The following SAMMSON variants were observed in gnomAD, a reference collection of about 807,000 sequenced individuals.
SAMMSON encodes the protein survival associated mitochondrial melanoma specific oncogenic non-coding RNA.
At chr3:70,164,872 G>A (rs931278083) in intron 4 of SAMMSON, among the ~76,000 whole-genome samples, 3 of 151,940 alleles carry the variant, frequency 2.0e-5, no homozygotes, top group South Asian at 4.1e-4. Flanking sequence ...AATTTCCTCC[G>A]GAAAAGACTT....
At chr3:70,033,166 C>G (rs1313580653) in intron 3 of SAMMSON, among the ~76,000 whole-genome samples, 2 of 152,138 alleles carry the variant, frequency 1.3e-5, no homozygotes, top group Non-Finnish European at 2.9e-5. Context: ...TTCAAAGGCC[C>G]TAACATTGTC....
chr3:70,379,063 G>A (rs1348487965), intron 9 of SAMMSON, among the ~76,000 whole-genome samples: 1 of 151,038 alleles, frequency 6.6e-6, no homozygotes, highest in Non-Finnish European at 1.5e-5. Flanking sequence ...GCCCAGGCTG[G>A]AGTGCAGTGG....
intron 9 of SAMMSON, among the ~76,000 whole-genome samples, chr3:70,369,478 AG>A (rs1702947693): frequency 6.6e-6 from 1 of 151,466 alleles, no homozygotes; most frequent in Admixed American, 6.6e-5. Flanking sequence ...TGCCAACCAA[AG>A]CAGTTTAATT....
intron 4 of SAMMSON, among the ~76,000 whole-genome samples, chr3:70,211,878 C>T (rs1701354058): frequency 6.9e-6 from 1 of 145,332 alleles, no homozygotes; most frequent in Non-Finnish European, 1.5e-5. Context: ...CTTCCCTTCC[C>T]TTCTTCCCTT....
intron 4 of SAMMSON, among the ~76,000 whole-genome samples, chr3:70,160,197 G>A (rs1170810321): frequency 1.0e-5 from 1 of 95,784 alleles, no homozygotes; most frequent in Non-Finnish European, 2.5e-5. Flanking sequence ...TGCTTTTCAT[G>A]TTATATCAAA....
chr3:70,236,438 T>C (rs1701609773), intron 4 of SAMMSON, among the ~76,000 whole-genome samples: 1 of 152,194 alleles, frequency 6.6e-6, no homozygotes, highest in South Asian at 2.1e-4. Context: ...ATTTGTTTAT[T>C]AGCCTTAAGA....
At chr3:70,180,004 A>ATGTGTGTG (rs10555321) in intron 4 of SAMMSON, among the ~76,000 whole-genome samples, 2 of 148,194 alleles carry the variant, frequency 1.3e-5, no homozygotes, top group East Asian at 4.1e-4. Context: ...TGTGCTTCGT[A>ATGTGTGTG]TGTGTGTGTG....
intron 4 of SAMMSON, among the ~76,000 whole-genome samples, chr3:70,117,987 G>T (rs912228825): frequency 2.6e-5 from 4 of 151,956 alleles, no homozygotes; most frequent in Admixed American, 6.6e-5. Flanking sequence ...GCGCCATCTC[G>T]GCTCACTGCA....
chr3:70,373,952 T>C (rs1702990741), intron 9 of SAMMSON, among the ~76,000 whole-genome samples: 1 of 152,226 alleles, frequency 6.6e-6, no homozygotes, highest in Admixed American at 6.5e-5. Context: ...TTTGCTCTTG[T>C]TGCCTAGGCA....
At chr3:70,147,045 A>G (rs944545267) in intron 4 of SAMMSON, among the ~76,000 whole-genome samples, 1 of 152,016 alleles carries the variant, frequency 6.6e-6, no homozygotes, top group African/African-American at 2.4e-5. Flanking sequence ...AGGAAACCAA[A>G]ATTTAAAAAA....
intron 5 of SAMMSON, among the ~76,000 whole-genome samples, chr3:70,249,440 C>A (rs1169357315): frequency 6.6e-6 from 1 of 152,116 alleles, no homozygotes; most frequent in Non-Finnish European, 1.5e-5. Context: ...ATTGCTGTGA[C>A]CTCTGCATCA....
At chr3:70,000,457 C>T (rs562418354) in intron 1 of SAMMSON, among the ~76,000 whole-genome samples, 1 of 152,054 alleles carries the variant, frequency 6.6e-6, no homozygotes, top group African/African-American at 2.4e-5. Flanking sequence ...CCTCTTTCAC[C>T]CACATTTTGT....
chr3:70,098,007 G>A (rs555194988), intron 4 of SAMMSON, among the ~76,000 whole-genome samples: 1 of 152,280 alleles, frequency 6.6e-6, no homozygotes, highest in African/African-American at 2.4e-5. Flanking sequence ...GGTTAAATTA[G>A]CTTTTTCTCC....
At chr3:70,408,872 G>A (rs2106767381) in intron 2 of SAMMSON, among the ~76,000 whole-genome samples, 1 of 152,248 alleles carries the variant, frequency 6.6e-6, no homozygotes, top group Non-Finnish European at 1.5e-5. Context: ...CTGAGACTAG[G>A]AAGAAAAGGT....
chr3:70,412,366 A>G (rs1485003962), intron 2 of SAMMSON, among the ~76,000 whole-genome samples: 2 of 152,204 alleles, frequency 1.3e-5, no homozygotes, highest in African/African-American at 2.4e-5. Flanking sequence ...ATATTTAATT[A>G]TTAAAATAGT....
intron 4 of SAMMSON, among the ~76,000 whole-genome samples, chr3:70,135,944 G>GTT (rs10662195): frequency 0.28 from 40,524 of 146,630 alleles, 5,883 homozygotes; most frequent in East Asian, 0.49. Flanking sequence ...TTCTCTAAGT[G>GTT]TTTTTTTTTT....
At chr3:70,163,633 G>A (rs769412426) in intron 4 of SAMMSON, among the ~76,000 whole-genome samples, 1 of 151,894 alleles carries the variant, frequency 6.6e-6, no homozygotes, top group Non-Finnish European at 1.5e-5. Context: ...TTGGGCAAAA[G>A]AAAGAGAGTC....
chr3:70,053,867 T>C (rs555358706), intron 3 of SAMMSON, among the ~76,000 whole-genome samples: 1 of 152,248 alleles, frequency 6.6e-6, no homozygotes, highest in African/African-American at 2.4e-5. Flanking sequence ...TTGGATAAGG[T>C]ACAGTAATTA....
chr3:70,203,010 A>T (rs530180404), intron 4 of SAMMSON, among the ~76,000 whole-genome samples: 6 of 152,044 alleles, frequency 3.9e-5, no homozygotes, highest in African/African-American at 1.4e-4. Context: ...GCCCATGATT[A>T]GGAGGTGGGA....
Sources: allele counts gnomAD v4.1 joint callset (sites outside exome capture counted in the v4.1 genomes callset), GRCh38; gene constraint gnomAD v4.1.1; transcripts MANE v1.5; gene names NCBI Gene and HGNC (gene_info 2026-07-23, HGNC 2026-07-21).